The following HERC1 variants were observed in gnomAD, a reference collection of about 807,000 sequenced individuals.
HERC1 encodes the protein HECT and RLD domain containing E3 ubiquitin protein ligase family member 1.
A neutral mutation model predicts 554.3 loss-of-function variants in HERC1; 160 were observed. The ratio of observed to expected loss-of-function variants is 0.29; its 90% CI spans 0.25 to 0.33. The LOEUF is 0.33. Ranked by LOEUF, HERC1 falls within the 10% of genes least tolerant of loss-of-function variation. The pLI, the probability that HERC1 is intolerant of heterozygous loss-of-function variation, is 1.00. For missense variants in HERC1, 4,919 were observed against 5,918.5 expected (o/e 0.83, Z 5.54); for synonymous variants, 2,175 against 2,131.7 (o/e 1.02, Z -0.56).
chr15:63,628,870 G>A (rs2068422546), intron 69 of HERC1, 55 bp from the exon 70 acceptor site: 1 of 1,546,470 alleles, frequency 6.5e-7, no homozygotes, highest in African/African-American at 1.4e-5. Flanking sequence ...AAGAGAGGAA[G>A]TCAATATGAA....
chr15:63,828,799 A>G (rs1448842502), intron 1 of HERC1, among the ~76,000 whole-genome samples: 1 of 152,252 alleles, frequency 6.6e-6, no homozygotes, highest in Non-Finnish European at 1.5e-5. Context: ...TTAGGGATGA[A>G]TAAGATTAAA....
At chr15:63,627,235 A>G (rs527735799) in intron 70 of HERC1, among the ~76,000 whole-genome samples, 1 of 152,230 alleles carries the variant, frequency 6.6e-6, no homozygotes, top group Admixed American at 6.5e-5. Flanking sequence ...CAAAATCCCT[A>G]TGGGGAATCT....
In HERC1 at chr15:63,677,838, A is replaced by G. The variant is rs149842268; in HGVS notation, c.7070+7T>C. On this transcript the variant is annotated splice_region_variant and intron_variant, in intron 37 of 77. Coordinates refer to ENST00000443617, the MANE Select transcript of HERC1 (RefSeq NM_003922.4). The surrounding 1 kb of genome is among the most constrained non-coding windows in gnomAD (Gnocchi z 4.4). ...GTTTGCTAAAAGTGTAACTCAACAG[A>G]TCATACCTGATAGTAATTTCTGCTT... 1 of 1,611,924 alleles carries G rather than the reference A, an allele frequency of 6.2e-7. No homozygotes were observed. The highest frequency in any genetic ancestry group is 1.3e-5 in the African/African-American group (1 of 75,046).
At chr15:63,712,939 G>C in intron 23 of HERC1, 44 bp from the exon 24 acceptor site, 1 of 1,561,012 alleles carries the variant, frequency 6.4e-7, no homozygotes, top group Non-Finnish European at 8.7e-7. Context: ...ATTTAGGACT[G>C]TTAGTGAACA....
At chr15:63,716,858 TTA>T (rs1276966958) in intron 21 of HERC1, among the ~76,000 whole-genome samples, 3 of 152,214 alleles carry the variant, frequency 2.0e-5, no homozygotes, top group East Asian at 1.9e-4. Flanking sequence ...TTCAAGTTGT[TTA>T]TGTTACTATT....
intron 27 of HERC1, among the ~76,000 whole-genome samples, chr15:63,695,488 C>A (rs570247321): frequency 6.7e-6 from 1 of 149,482 alleles, no homozygotes; most frequent in African/African-American, 2.5e-5. Flanking sequence ...CGGGTTCAAG[C>A]GATTCTCCCT....
At chr15:63,648,715 C>T (rs935704836) in intron 54 of HERC1, among the ~76,000 whole-genome samples, 14 of 152,278 alleles carry the variant, frequency 9.2e-5, no homozygotes, top group Admixed American at 7.8e-4. Flanking sequence ...GAAGTAAAAA[C>T]AGTATCTGTG....
chr15:63,665,483 C>A (rs1042814091), intron 42 of HERC1, among the ~76,000 whole-genome samples: 1 of 151,962 alleles, frequency 6.6e-6, no homozygotes, highest in Non-Finnish European at 1.5e-5. Flanking sequence ...TGCAGTGAGC[C>A]GATATCGCGC....
intron 1 of HERC1, among the ~76,000 whole-genome samples, chr15:63,788,683 G>A (rs1282958501): frequency 2.0e-5 from 3 of 152,124 alleles, no homozygotes; most frequent in Non-Finnish European, 4.4e-5. Flanking sequence ...TTGGGAGGCT[G>A]AGGCAGGTGG....
chr15:63,821,515 C>T (rs2077691487), intron 1 of HERC1, among the ~76,000 whole-genome samples: 1 of 147,816 alleles, frequency 6.8e-6, no homozygotes, highest in Admixed American at 6.8e-5. Context: ...GAGATCGTAC[C>T]ACTGCACTCC....
intron 1 of HERC1, among the ~76,000 whole-genome samples, chr15:63,828,842 A>AT (rs1231766285): frequency 1.3e-5 from 2 of 152,214 alleles, no homozygotes; most frequent in African/African-American, 4.8e-5. Context: ...TAACTAACCT[A>AT]AGTAACTTTG....
At chr15:63,673,732 G>A (rs975437163) in intron 38 of HERC1, among the ~76,000 whole-genome samples, 1 of 152,088 alleles carries the variant, frequency 6.6e-6, no homozygotes, top group Non-Finnish European at 1.5e-5. Flanking sequence ...ATGTATTTTG[G>A]TTTGTTTTTT....
intron 1 of HERC1, among the ~76,000 whole-genome samples, chr15:63,781,337 G>A (rs1374906934): frequency 6.6e-6 from 1 of 152,192 alleles, no homozygotes; most frequent in Non-Finnish European, 1.5e-5. Flanking sequence ...ATTTGAGCAA[G>A]TGTATTGGTG....
chr15:63,670,801 T>C (rs953949205), intron 39 of HERC1, among the ~76,000 whole-genome samples: 16 of 152,090 alleles, frequency 1.1e-4, no homozygotes, highest in African/African-American at 3.4e-4. Flanking sequence ...ACACCTGTAA[T>C]ACCAGCATAC....
intron 1 of HERC1, among the ~76,000 whole-genome samples, chr15:63,823,683 T>C (rs1246923015): frequency 6.6e-6 from 1 of 152,184 alleles, no homozygotes; most frequent in Non-Finnish European, 1.5e-5. Context: ...TATTTACATA[T>C]AACAAATGTC....
chr15:63,669,134 T>A (rs1212051735), intron 40 of HERC1, among the ~76,000 whole-genome samples: 1 of 152,126 alleles, frequency 6.6e-6, no homozygotes, highest in Non-Finnish European at 1.5e-5. Context: ...CCCCAAATAT[T>A]TGAAAACTAA....
At chr15:63,642,876 A>G (rs768381852) in intron 59 of HERC1, 81 bp downstream of exon 59, 4 of 811,772 alleles carry the variant, frequency 4.9e-6, no homozygotes, top group Non-Finnish European at 8.5e-6. Flanking sequence ...TTTCTCCTCC[A>G]TAAAGTGGGG....
chr15:63,732,896 T>C (rs1428563165), intron 14 of HERC1, 28 bp downstream of exon 14: 4 of 1,442,998 alleles, frequency 2.8e-6, no homozygotes, highest in South Asian at 1.2e-5. Flanking sequence ...CTTTATTCTT[T>C]TTTTACTACA....
intron 22 of HERC1, among the ~76,000 whole-genome samples, chr15:63,715,001 C>T (rs2073482195): frequency 6.6e-6 from 1 of 152,054 alleles, no homozygotes; most frequent in Non-Finnish European, 1.5e-5. Context: ...TCCCTTATTT[C>T]TACAAAAATC....
Sources: allele counts gnomAD v4.1 joint callset (sites outside exome capture counted in the v4.1 genomes callset), GRCh38; gene constraint gnomAD v4.1.1; non-coding constraint Gnocchi (gnomAD v3.1); transcripts MANE v1.5; gene names NCBI Gene and HGNC (gene_info 2026-07-23, HGNC 2026-07-21).